ACYP2: variants seen among roughly 807,000 people sequenced by gnomAD.
ACYP2 encodes the protein acylphosphatase-2.
Under a neutral mutation model 11.2 loss-of-function variants are expected in ACYP2, and 12 were observed. That is an observed-to-expected ratio of 1.08 (90% CI 0.69 to 1.74). The LOEUF (loss-of-function observed/expected upper bound fraction) is 1.74, where lower values mean the gene tolerates loss of function less well. Among genes scored for constraint, ACYP2 ranks in the 40% most tolerant of loss-of-function variants. The probability of loss-of-function intolerance (pLI) is 0.00; values close to 1 mark genes in which losing one functional copy is unlikely to be tolerated. For missense variants in ACYP2, 134 were observed against 101.9 expected, an observed-to-expected ratio of 1.31 and a Z score of -1.35; for synonymous variants, 43 against 32.2, an observed-to-expected ratio of 1.33 and a Z score of -1.13.
intron 6 of ACYP2, among the ~76,000 whole-genome samples, chr2:54,149,211 A>G (rs1572857052): frequency 6.6e-6 from 1 of 152,242 alleles, no homozygotes; most frequent in Non-Finnish European, 1.5e-5. Context: ...GCCTTTAAAA[A>G]AACCACATTT....
At chr2:54,055,687 A>T (rs1428882833) in intron 3 of ACYP2, among the ~76,000 whole-genome samples, 2 of 152,198 alleles carry the variant, frequency 1.3e-5, no homozygotes, top group Non-Finnish European at 2.9e-5. Flanking sequence ...CACCCTCCAT[A>T]TACTACATAA....
chr2:54,113,798 G>A (rs1446874364), intron 4 of ACYP2, among the ~76,000 whole-genome samples: 1 of 151,938 alleles, frequency 6.6e-6, no homozygotes, highest in Non-Finnish European at 1.5e-5. Context: ...CAGAATAACC[G>A]AGAGTGTCTT....
intron 6 of ACYP2, among the ~76,000 whole-genome samples, chr2:54,184,408 A>T (rs986010467): frequency 6.6e-6 from 1 of 152,164 alleles, no homozygotes; most frequent in Admixed American, 6.6e-5. Flanking sequence ...ATACAGTGTG[A>T]GCCCCAAGCA....
At chr2:54,194,644 A>C (rs139775967) in intron 6 of ACYP2, among the ~76,000 whole-genome samples, 1 of 151,944 alleles carries the variant, frequency 6.6e-6, no homozygotes, top group Non-Finnish European at 1.5e-5. Context: ...GTTATTTTTC[A>C]CCTTTAATTT....
chr2:54,276,253 G>A (rs1688563440), intron 6 of ACYP2, among the ~76,000 whole-genome samples: 1 of 152,104 alleles, frequency 6.6e-6, no homozygotes, highest in African/African-American at 2.4e-5. Flanking sequence ...TGTCCCAATA[G>A]CATATTTTAG....
intron 6 of ACYP2, among the ~76,000 whole-genome samples, chr2:54,234,939 T>G (rs1166118401): frequency 6.6e-6 from 1 of 152,194 alleles, no homozygotes; most frequent in East Asian, 1.9e-4. Flanking sequence ...AACTGATGTC[T>G]TATCCTTCTT....
chr2:54,128,251 C>G (rs1680661513), intron 4 of ACYP2, among the ~76,000 whole-genome samples: 1 of 152,190 alleles, frequency 6.6e-6, no homozygotes, highest in Non-Finnish European at 1.5e-5. Flanking sequence ...AGAAGTCTAT[C>G]TTCTTTGATG....
At chr2:54,303,721 A>G (rs1286195598) in intron 6 of ACYP2, among the ~76,000 whole-genome samples, 4 of 152,230 alleles carry the variant, frequency 2.6e-5, no homozygotes, top group Non-Finnish European at 5.9e-5. Flanking sequence ...AGATTGTCAC[A>G]TATCATACTG....
intron 6 of ACYP2, among the ~76,000 whole-genome samples, chr2:54,242,609 A>G (rs991071254): frequency 4.6e-5 from 7 of 152,196 alleles, no homozygotes; most frequent in African/African-American, 9.7e-5. Context: ...TAAAATTAAT[A>G]TTTTTACTAT....
At chr2:54,180,740 G>T (rs868224311) in intron 6 of ACYP2, among the ~76,000 whole-genome samples, 5 of 152,156 alleles carry the variant, frequency 3.3e-5, no homozygotes, top group Non-Finnish European at 7.4e-5. Flanking sequence ...TTTTTTTGTA[G>T]AGATGGGATT....
At chr2:54,234,669 G>A (rs887969266) in intron 6 of ACYP2, among the ~76,000 whole-genome samples, 1 of 152,178 alleles carries the variant, frequency 6.6e-6, no homozygotes, top group Non-Finnish European at 1.5e-5. Flanking sequence ...CTTCAATTAA[G>A]GCATGAACAA....
intron 6 of ACYP2, among the ~76,000 whole-genome samples, chr2:54,192,761 G>T (rs1409084622): frequency 6.6e-6 from 1 of 152,128 alleles, no homozygotes; most frequent in Non-Finnish European, 1.5e-5. Context: ...GTTCTGCATG[G>T]CTAGGGAGGC....
chr2:54,087,515 A>AT (rs1320350478), intron 4 of ACYP2, among the ~76,000 whole-genome samples: 13 of 151,924 alleles, frequency 8.6e-5, no homozygotes, highest in South Asian at 2.1e-4. Flanking sequence ...TGCCTGGCTA[A>AT]TTTTTTCGTA....
intron 2 of ACYP2, among the ~76,000 whole-genome samples, chr2:54,016,612 T>C (rs1376002017): frequency 6.6e-6 from 1 of 152,206 alleles, no homozygotes; most frequent in Non-Finnish European, 1.5e-5. Context: ...TCTTAGTCTG[T>C]TTGTGCTGCT....
chr2:54,165,552 C>G (rs190131127), intron 6 of ACYP2, among the ~76,000 whole-genome samples: 1 of 151,696 alleles, frequency 6.6e-6, no homozygotes, highest in African/African-American at 2.4e-5. Flanking sequence ...CACACACACA[C>G]ACACACACAC....
chr2:54,061,693 C>T (rs956951856), intron 4 of ACYP2, among the ~76,000 whole-genome samples: 30 of 152,118 alleles, frequency 2.0e-4, no homozygotes, highest in African/African-American at 6.3e-4. Context: ...TGTTAGTTTC[C>T]TACAGCTGCT....
intron 6 of ACYP2, among the ~76,000 whole-genome samples, chr2:54,286,634 C>T (rs1176587969): frequency 2.0e-5 from 3 of 152,056 alleles, no homozygotes; most frequent in African/African-American, 7.3e-5. Context: ...CAACAGATAA[C>T]TTTTCTAGAA....
intron 2 of ACYP2, among the ~76,000 whole-genome samples, chr2:54,026,368 A>G (rs556253068): frequency 3.7e-4 from 57 of 152,348 alleles, no homozygotes; most frequent in African/African-American, 1.3e-3. Flanking sequence ...CCACAATATG[A>G]TACCAGCAAC....
chr2:54,027,657 G>T (rs908361256), intron 2 of ACYP2, among the ~76,000 whole-genome samples: 1 of 151,970 alleles, frequency 6.6e-6, no homozygotes, highest in Non-Finnish European at 1.5e-5. Context: ...GAGGAAATCT[G>T]TTCTTCTCTA....
Sources: allele counts gnomAD v4.1 joint callset (sites outside exome capture counted in the v4.1 genomes callset), GRCh38; gene constraint gnomAD v4.1.1; transcripts MANE v1.5; gene names NCBI Gene and HGNC (gene_info 2026-07-23, HGNC 2026-07-21).